TNRC6B: variants seen among roughly 807,000 people sequenced by gnomAD.
The protein encoded by TNRC6B is trinucleotide repeat containing adaptor 6B.
Under a neutral mutation model 203.6 loss-of-function variants are expected in TNRC6B, and 52 were observed. The ratio of observed to expected loss-of-function variants is 0.26; its 90% CI spans 0.20 to 0.32. TNRC6B has a LOEUF of 0.32. Ranked by LOEUF, TNRC6B falls within the 10% of genes least tolerant of loss-of-function variation. The pLI is 1.00. For missense variants in TNRC6B, 1,923 were observed against 2,286.2 expected (o/e 0.84, Z 3.24); for synonymous variants, 838 against 845.7 (o/e 0.99, Z 0.16).
chr22:40,190,804 G>C (rs926026091), intron 1 of TNRC6B, among the ~76,000 whole-genome samples: 1 of 152,230 alleles, frequency 6.6e-6, no homozygotes, highest in African/African-American at 2.4e-5. Context: ...GCTGTGTCGG[G>C]TGTTTGGAAG....
At chr22:40,080,011 G>A (rs2068051898) in intron 1 of TNRC6B, among the ~76,000 whole-genome samples, 1 of 151,812 alleles carries the variant, frequency 6.6e-6, no homozygotes, top group South Asian at 2.1e-4. Flanking sequence ...TAGCCAGGAT[G>A]GTCTCGATGT....
At chr22:40,297,722 T>C (rs530722226) in intron 12 of TNRC6B, among the ~76,000 whole-genome samples, 2 of 152,078 alleles carry the variant, frequency 1.3e-5, no homozygotes, top group Admixed American at 1.3e-4. Flanking sequence ...CTCAGGAGGC[T>C]GAGGCAGAAG....
At chr22:40,126,000 A>G in intron 3 of TNRC6B, 2 of 882,562 alleles carry the variant, frequency 2.3e-6, no homozygotes, top group Non-Finnish European at 3.3e-6. Context: ...AGATTGAGAA[A>G]TATTTTTTCT....
intron 1 of TNRC6B, among the ~76,000 whole-genome samples, chr22:40,050,124 A>G (rs1010585538): frequency 6.6e-6 from 1 of 152,086 alleles, no homozygotes; most frequent in African/African-American, 2.4e-5. Flanking sequence ...CAAACCTGGA[A>G]TCCTGCTACT....
At position 40,323,027 on chromosome 22, in the gene TNRC6B, T is replaced by A. The variant is rs1349137400; in HGVS notation, c.5288T>A (p.Leu1763Gln). 1.2e-6 allele frequency: 2 copies of A among 1,602,952 alleles called. No homozygotes were observed. Among genetic ancestry groups the A allele is most frequent in the Non-Finnish European group, 1.7e-6 (2 of 1,174,332 alleles). Residue 1763 changes from leucine to glutamine, a missense_variant, in exon 23 of 23, where the codon CTG (leucine) becomes CAG (glutamine). Around this residue, in one of 8 missense-constraint regions of TNRC6B, gnomAD observed 126 missense variants for 137.5 expected, o/e 0.92. Coordinates refer to ENST00000454349, the MANE Select transcript of TNRC6B (RefSeq NM_001162501.2). ...CAGTCAGATCCCGTGGGACCTGCTC[T>A]GAATCTTTTTGGTGGGTCCACTGGG... The part of the protein sequence containing the change: ...QNQSDPVGPA[L>Q]NLFGGSTGLG...
chr22:40,046,219 A>G lies in TNRC6B; in HGVS notation c.-121+1221A>G, dbSNP rs139617051. On this transcript the variant is annotated intron_variant, in intron 1 of 23. Coordinates refer to the TNRC6B transcript ENST00000301923. ...AAGGTTTCTCTTGATTTGGAGAATC[A>G]TCAGTGATCTTGGCTTCGAAAGTAC... Among the ~76,000 whole-genome samples, 158 of 152,312 alleles carry G rather than the reference A, an allele frequency of 1.0e-3. 3 individuals are homozygous for G. The East Asian group carries it at 0.027, about 26-fold the overall frequency.
chr22:40,283,062 T>C (rs1034493984), intron 11 of TNRC6B, among the ~76,000 whole-genome samples: 7 of 152,010 alleles, frequency 4.6e-5, no homozygotes, highest in African/African-American at 1.7e-4. Context: ...TGAGATGGAG[T>C]CTTGCCTCTG....
At chr22:40,125,837 A>G (rs767358825) in exon 3 of TNRC6B, 1 of 1,612,488 alleles carries the variant, frequency 6.2e-7, no homozygotes, top group Admixed American at 1.7e-5. Flanking sequence ...AATGAGGGAG[A>G]AGTATCGGAA....
At chr22:40,070,217 T>G (rs1377546533) in intron 1 of TNRC6B, among the ~76,000 whole-genome samples, 1 of 152,228 alleles carries the variant, frequency 6.6e-6, no homozygotes, top group African/African-American at 2.4e-5. Context: ...GATAAGTAAC[T>G]GGGCTAAAGT....
intron 4 of TNRC6B, among the ~76,000 whole-genome samples, chr22:40,163,635 C>G (rs1402264522): frequency 1.3e-5 from 2 of 151,556 alleles, no homozygotes; most frequent in Admixed American, 1.3e-4. Flanking sequence ...GTGGCGCATG[C>G]CTGTAATCTC....
At chr22:40,051,093 G>A (rs2067740668) in intron 1 of TNRC6B, among the ~76,000 whole-genome samples, 1 of 152,154 alleles carries the variant, frequency 6.6e-6, no homozygotes. Flanking sequence ...AAAGTGCTGG[G>A]ATTACAGGCG....
chr22:40,142,053 C>T (rs913056336), intron 3 of TNRC6B, among the ~76,000 whole-genome samples: 22 of 150,354 alleles, frequency 1.5e-4, no homozygotes, highest in African/African-American at 4.7e-4. Context: ...AGCCACCGCG[C>T]CTGGCCTTCT....
intron 1 of TNRC6B, among the ~76,000 whole-genome samples, chr22:40,112,600 A>G (rs575413600): frequency 6.6e-6 from 1 of 152,240 alleles, no homozygotes; most frequent in African/African-American, 2.4e-5. Flanking sequence ...CCCAAATGAC[A>G]GGTTTCAGGT....
At chr22:40,292,417 G>A (rs977649818) in intron 12 of TNRC6B, among the ~76,000 whole-genome samples, 1 of 151,698 alleles carries the variant, frequency 6.6e-6, no homozygotes, top group African/African-American at 2.4e-5. Context: ...TCCGGGCCTT[G>A]GGTTTCTACC....
At chr22:40,191,998 G>A (rs1405438444) in intron 1 of TNRC6B, among the ~76,000 whole-genome samples, 1 of 152,170 alleles carries the variant, frequency 6.6e-6, no homozygotes, top group Non-Finnish European at 1.5e-5. Flanking sequence ...TGATCCACCT[G>A]CCTTACAGAC....
At chr22:40,318,270 G>C (rs1019787512) in intron 21 of TNRC6B, among the ~76,000 whole-genome samples, 1 of 152,022 alleles carries the variant, frequency 6.6e-6, no homozygotes, top group Non-Finnish European at 1.5e-5. Context: ...AGTTACGGCC[G>C]GGCACGGTGG....
chr22:40,217,912 G>A (rs1306686948), intron 1 of TNRC6B, among the ~76,000 whole-genome samples: 1 of 149,318 alleles, frequency 6.7e-6, no homozygotes, highest in Admixed American at 6.8e-5. Context: ...AGCAGAGGTT[G>A]CAGTGAGCCG....
At chr22:40,091,985 A>T (rs571768822) in intron 1 of TNRC6B, among the ~76,000 whole-genome samples, 1 of 152,264 alleles carries the variant, frequency 6.6e-6, no homozygotes, top group South Asian at 2.1e-4. Context: ...CAGGAGAAAA[A>T]TACACCTTAC....
rs928049973 is a variant in TNRC6B at position 40,264,742 on chromosome 22, C to T, written c.512C>T (p.Ser171Leu). Residue 171 changes from serine to leucine, a missense_variant, in exon 5 of 23, where the codon TCG becomes TTG. Ser to Leu is a moderately radical substitution (Grantham distance 145, BLOSUM62 -2). This residue lies in a region of TNRC6B where 614 missense variants were observed against 587.7 expected (regional missense o/e 1.04). Transcript: ENST00000454349. Reference sequence around the variant, plus strand: ...AATTATGCAAATTCCACTTGGGGCTCGGGAGCCTCCTCCAACAACGGCACC... The same window carrying T: ...AATTATGCAAATTCCACTTGGGGCTTGGGAGCCTCCTCCAACAACGGCACC... The part of the protein sequence containing the change: ...ASNYANSTWG[S>L]GASSNNGTSP... 13 of 1,610,424 alleles carry T rather than the reference C, an allele frequency of 8.1e-6. No individual in the cohort carries two copies. The highest frequency in any genetic ancestry group is 1.7e-5 in the Admixed American group (1 of 59,666).
Sources: allele counts gnomAD v4.1 joint callset (sites outside exome capture counted in the v4.1 genomes callset), GRCh38; gene constraint gnomAD v4.1.1; regional missense constraint gnomAD v4.1.1; transcripts MANE v1.5; gene names NCBI Gene and HGNC (gene_info 2026-07-23, HGNC 2026-07-21).